The following KRTAP13-4 variants were observed in gnomAD, a reference collection of about 807,000 sequenced individuals.
The protein encoded by KRTAP13-4 is keratin-associated protein 13-4.
For synonymous variants in KRTAP13-4, 80 were observed against 77.2 expected (o/e 1.04, Z -0.19); for missense variants, 198 against 189.6 (o/e 1.04, Z -0.26).
exon 1 of KRTAP13-4, chr21:30,430,890 T>A (rs1264110747): frequency 1.8e-5 from 18 of 1,017,380 alleles, no homozygotes; most frequent in Non-Finnish European, 2.6e-5. Flanking sequence ...TCTGGCAGAC[T>A]GCGAAATTAA....
At chr21:30,430,727 G>A (rs148941861) in exon 1 of KRTAP13-4, 2 of 1,612,472 alleles carry the variant, frequency 1.2e-6, no homozygotes, top group Admixed American at 3.3e-5. Flanking sequence ...AGACCAATCT[G>A]TGGATCTCGC....
exon 1 of KRTAP13-4, chr21:30,430,487 C>T: frequency 5.6e-6 from 9 of 1,614,070 alleles, no homozygotes; most frequent in Non-Finnish European, 5.9e-6. Context: ...CCCAGGACCT[C>T]CATCCTCTGC....
chr21:30,430,590 G>A (rs1422177001), exon 1 of KRTAP13-4: 1 of 1,614,048 alleles, frequency 6.2e-7, no homozygotes, highest in East Asian at 2.2e-5. Context: ...GCTACTCGCT[G>A]GGAAATGGAT....
At chr21:30,430,860 A>T (rs1984445687) in exon 1 of KRTAP13-4, 2 of 1,400,076 alleles carry the variant, frequency 1.4e-6, no homozygotes, top group Non-Finnish European at 9.7e-7. Context: ...TTCCACCACC[A>T]GCTTCTTGCA....
Position 30,430,785 on chromosome 21 carries a change from A to G in KRTAP13-4, c.*27A>G, listed in dbSNP as rs201804684. 3.4e-5 allele frequency: 54 copies of G among 1,573,394 alleles called. No homozygotes were observed. The African/African-American group carries it at 6.9e-4, about 20-fold the overall frequency. On this transcript the variant is annotated 3_prime_UTR_variant, in exon 1 of 1. Transcript: ENST00000334068. Reference sequence around the variant, plus strand: ...TTTCTAGATCCTTTTGAGTATTGGGATCAAAGTCTCTACTGAATGCAGCCA... The same window carrying G: ...TTTCTAGATCCTTTTGAGTATTGGGGTCAAAGTCTCTACTGAATGCAGCCA...
the KRTAP13-4 span, chr21:30,430,396 T>TGCCA: frequency 6.2e-7 from 1 of 1,614,202 alleles, no homozygotes; most frequent in East Asian, 2.2e-5. Flanking sequence ...TCCCAGCACC[T>TGCCA]GCCAGCTGCG....
chr21:30,430,330 C>T lies in KRTAP13-4; in HGVS notation c.55C>T (p.Leu19=), dbSNP rs569561865. ...CTCCTCCCGCTCCTTTGGGGGCTAC[C>T]TGTACTACCCAGGCTCCTACCCCAG... The change falls in exon 1 of 1, where the codon CTG becomes TTG. Residue 19 remains leucine (L), a synonymous_variant. Coordinates refer to ENST00000334068, the Ensembl canonical transcript of KRTAP13-4. 16 of 1,613,558 alleles carry T rather than the reference C, an allele frequency of 9.9e-6. 1 individual carries two copies. The East Asian group carries it at 3.3e-4, about 34-fold the overall frequency.
chr21:30,430,253 C>G, exon 1 of KRTAP13-4: 1 of 1,571,514 alleles, frequency 6.4e-7, no homozygotes, highest in Non-Finnish European at 8.6e-7. Flanking sequence ...GTACACTCAG[C>G]TGAACTCCCA....
chr21:30,430,587 G>A (rs150222104), exon 1 of KRTAP13-4: 43 of 1,614,008 alleles, frequency 2.7e-5, no homozygotes, highest in South Asian at 4.4e-5. Context: ...GCTGCTACTC[G>A]CTGGGAAATG....
exon 1 of KRTAP13-4, chr21:30,430,781 T>C (rs1200325366): frequency 7.0e-6 from 11 of 1,581,032 alleles, no homozygotes; most frequent in South Asian, 2.3e-5. Flanking sequence ...TTTTGAGTAT[T>C]GGGATCAAAG....
exon 1 of KRTAP13-4, chr21:30,430,886 A>G: frequency 9.6e-7 from 1 of 1,043,770 alleles, no homozygotes; most frequent in Non-Finnish European, 1.4e-6. Flanking sequence ...AACTTCTGGC[A>G]GACTGCGAAA....
chr21:30,430,552 C>A, exon 1 of KRTAP13-4: 1 of 1,614,148 alleles, frequency 6.2e-7, no homozygotes, highest in Non-Finnish European at 8.5e-7. Flanking sequence ...CAGCAGCTGT[C>A]GCTCCCAGGG....
At chr21:30,430,634 G>A (rs1173025712) in exon 1 of KRTAP13-4, 1 of 1,614,166 alleles carries the variant, frequency 6.2e-7, no homozygotes, top group South Asian at 1.1e-5. Flanking sequence ...TATGGAGGCT[G>A]TGGTTTTCCT....
At chr21:30,430,397 G>A (rs1568848441) in exon 1 of KRTAP13-4, 1 of 1,614,170 alleles carries the variant, frequency 6.2e-7, no homozygotes, top group Non-Finnish European at 8.5e-7. Context: ...CCCAGCACCT[G>A]CCAGCTGCGT....
chr21:30,430,475 G>A (rs139497735), exon 1 of KRTAP13-4: 132 of 1,613,804 alleles, frequency 8.2e-5, no homozygotes, highest in African/African-American at 6.1e-4. Flanking sequence ...TCCTGCTACC[G>A]CCCCAGGACC....
At chr21:30,430,353 C>A (rs755575215) in exon 1 of KRTAP13-4, 9 of 1,613,796 alleles carry the variant, frequency 5.6e-6, no homozygotes, top group Non-Finnish European at 5.9e-6. Flanking sequence ...GCTCCTACCC[C>A]AGCAGCCTGG....
At chr21:30,430,275 C>T (rs1275473126) in exon 1 of KRTAP13-4, 1 of 1,598,260 alleles carries the variant, frequency 6.3e-7, no homozygotes, top group Non-Finnish European at 8.5e-7. Flanking sequence ...CTCTCATCAG[C>T]ATGTCCTACA....
exon 1 of KRTAP13-4, chr21:30,430,839 T>C: frequency 6.7e-7 from 1 of 1,488,794 alleles, no homozygotes; most frequent in South Asian, 1.4e-5. Context: ...GATCCCAATA[T>C]CTTTTTATTC....
In KRTAP13-4 at chr21:30,430,727, G is replaced by T. The variant is rs148941861; in HGVS notation, c.452G>T (p.Cys151Phe). The T allele has an allele frequency of 2.7e-5, 44 of 1,612,354 alleles. No homozygotes were observed. The African/African-American group carries it at 5.5e-4, about 20-fold the overall frequency. ...CAGTCTTCTTGTTACAGACCAATCT[G>T]TGGATCTCGCTTCTATCAATTCACC... The change falls in exon 1 of 1, where the codon TGT (cysteine) becomes TTT (phenylalanine). Residue 151 changes from cysteine to phenylalanine, a missense_variant. By Grantham distance (205) the Cys-to-Phe change is radical. Transcript: ENST00000334068.
Sources: gnomAD v4.1 joint callset for allele counts on GRCh38, gnomAD v4.1.1 for gene constraint, MANE v1.5 for transcripts, NCBI Gene and HGNC (gene_info 2026-07-23, HGNC 2026-07-21) for gene names.